EXOC5: variants seen among roughly 807,000 people sequenced by gnomAD.
The protein encoded by EXOC5 is exocyst complex component 5.
A neutral mutation model predicts 90.8 loss-of-function variants in EXOC5; 17 were observed. The ratio of observed to expected loss-of-function variants is 0.19; its 90% CI spans 0.13 to 0.28. EXOC5 has a LOEUF of 0.28. Among genes scored for constraint, EXOC5 ranks in the 10% least tolerant of loss-of-function variants. EXOC5 has a pLI of 1.00. For missense variants in EXOC5, 569 were observed against 830.6 expected, an observed-to-expected ratio of 0.69 and a Z score of 3.87; for synonymous variants, 260 against 270.0, an observed-to-expected ratio of 0.96 and a Z score of 0.36.
chr14:57,229,248 CCTAT>C (rs1343514782), intron 12 of EXOC5, among the ~76,000 whole-genome samples: 1 of 152,010 alleles, frequency 6.6e-6, no homozygotes, highest in Non-Finnish European at 1.5e-5. Flanking sequence ...AAATAAAAAT[CCTAT>C]CTTTTATTAC....
chr14:57,222,884 G>A (rs1251321963), intron 12 of EXOC5, among the ~76,000 whole-genome samples: 1 of 151,860 alleles, frequency 6.6e-6, no homozygotes, highest in Non-Finnish European at 1.5e-5. Context: ...GCCACTGACT[G>A]AGCAAAGAAC....
intron 1 of EXOC5, 101 bp downstream of exon 1, chr14:57,268,521 G>A (rs931248989): frequency 4.6e-6 from 7 of 1,537,218 alleles, no homozygotes; most frequent in African/African-American, 4.1e-5. Flanking sequence ...TCTCCCGAGG[G>A]CTCCTCCTGG....
rs528701179 is a variant in EXOC5, at chr14:57,205,881, G to A, written c.*2728C>T. ...GCAACTATGGCAATCCTCAAAATGG[G>A]ACCAAAAATTGTCCTGGAATGGTCA... is the stretch of plus-strand genomic sequence containing the variant. On this transcript the variant is annotated 3_prime_UTR_variant, in exon 18 of 18. Coordinates refer to ENST00000621441, the MANE Select transcript of EXOC5 (RefSeq NM_006544.4). 2.2e-6 allele frequency: 1 copy of A among 455,700 alleles called. No individual in the cohort carries two copies. The highest frequency in any genetic ancestry group is 2.0e-5 in the African/African-American group (1 of 50,080). The allele number at this position is 455,700 out of a possible 1,614,324, so 28.2% of individuals were successfully genotyped here.
In EXOC5 at chr14:57,209,664, A is replaced by G. The variant is rs1272066219; in HGVS notation, c.1841T>C (p.Ile614Thr). 26 of 1,613,146 alleles carry G rather than the reference A, an allele frequency of 1.6e-5. No individual in the cohort carries two copies. The highest frequency in any genetic ancestry group is 1.7e-4 in the Middle Eastern group (1 of 6,052). Residue 614 changes from isoleucine to threonine, a missense_variant, in exon 17 of 18, where the codon ATC becomes ACC. Transcript: ENST00000621441. ...GGAATATTGTTGAAGATGCTCATAG[A>G]TAAGTCGATGAAAACGTACTCCAAG... is the stretch of plus-strand genomic sequence containing the variant. Reference protein sequence around the residue: ...MELGVRFHRLIYEHLQQYSYS... With the variant: ...MELGVRFHRLTYEHLQQYSYS...
intron 1 of EXOC5, among the ~76,000 whole-genome samples, chr14:57,248,696 T>C (rs906640175): frequency 3.9e-5 from 6 of 152,128 alleles, no homozygotes; most frequent in African/African-American, 1.2e-4. Flanking sequence ...CTACCTAGCA[T>C]GTAACTTAAA....
intron 1 of EXOC5, among the ~76,000 whole-genome samples, chr14:57,254,429 T>C (rs1313785421): frequency 6.7e-6 from 1 of 150,008 alleles, no homozygotes. Flanking sequence ...AGTGAGTGAA[T>C]CTGTTCCAAA....
rs1235651255 is a variant in EXOC5 at position 57,231,398 on chromosome 14, CTCTTCACAGAAAAT to C, written c.1148+94_1148+107del. On this transcript the variant is annotated intron_variant, in intron 11 of 17. Coordinates refer to ENST00000621441, the MANE Select transcript of EXOC5 (RefSeq NM_006544.4). ...AATATAACAATCTGGATTAAAAGAACTCTTCACAGAAAATTCTAATGATAGTCAACATTTGATAA... is the reference window on the plus strand; with the variant it reads ...AATATAACAATCTGGATTAAAAGAACTCTAATGATAGTCAACATTTGATAA... The C allele has an allele frequency of 1.4e-5, 10 of 703,866 alleles. No individual in the cohort carries two copies. The Admixed American group carries it at 1.8e-4, about 13-fold the overall frequency. The allele number at this position is 703,866 out of a possible 1,614,324, so 43.6% of individuals were successfully genotyped here. A position where few individuals can be genotyped will look rare whatever the true frequency, so the allele number is the denominator to read the frequency against.
chr14:57,220,206 C>T (rs546112084), intron 13 of EXOC5, among the ~76,000 whole-genome samples: 2 of 151,094 alleles, frequency 1.3e-5, no homozygotes, highest in South Asian at 2.1e-4. Flanking sequence ...TTCCCTCCGC[C>T]CCCCCTGCCC....
chr14:57,220,382 C>T (rs1243407119), intron 13 of EXOC5, among the ~76,000 whole-genome samples: 3 of 151,762 alleles, frequency 2.0e-5, no homozygotes, highest in African/African-American at 7.3e-5. Context: ...TACTTTTTTT[C>T]TTTATAGGCA....
rs954361319 is a variant in EXOC5, at chr14:57,202,604, G to C, written c.*6005C>G. 1 of 152,150 alleles carries C rather than the reference G, an allele frequency of 6.6e-6. No homozygotes were observed. Among genetic ancestry groups the C allele is most frequent in the Non-Finnish European group, 1.5e-5 (1 of 68,022 alleles). The allele number at this position is 152,150 out of a possible 1,614,324, so 9.4% of individuals were successfully genotyped here. A position where few individuals can be genotyped will look rare whatever the true frequency, so the allele number is the denominator to read the frequency against. ...TAATCAGTAGATTCTTATTAGAGTT[G>C]ATAAAGGAATTCAATGTGATATATA... On this transcript the variant is annotated 3_prime_UTR_variant, in exon 18 of 18. Transcript: ENST00000621441.
intron 1 of EXOC5, among the ~76,000 whole-genome samples, chr14:57,260,467 T>A (rs938484413): frequency 6.6e-6 from 1 of 152,164 alleles, no homozygotes; most frequent in Non-Finnish European, 1.5e-5. Context: ...GTTATCAAAA[T>A]TGTTTTGAAG....
intron 12 of EXOC5, among the ~76,000 whole-genome samples, chr14:57,222,797 A>T (rs1224175894): frequency 1.4e-5 from 2 of 147,274 alleles, no homozygotes; most frequent in Non-Finnish European, 3.1e-5. Flanking sequence ...ACACACACAC[A>T]TACACACACA....
At chr14:57,252,856 C>A (rs930501284) in intron 1 of EXOC5, among the ~76,000 whole-genome samples, 1 of 152,086 alleles carries the variant, frequency 6.6e-6, no homozygotes, top group Non-Finnish European at 1.5e-5. Flanking sequence ...CAGCATTATT[C>A]ACAAAAGCTG....
chr14:57,233,405 T>C (rs892258164), intron 9 of EXOC5, among the ~76,000 whole-genome samples: 3 of 152,138 alleles, frequency 2.0e-5, no homozygotes, highest in Non-Finnish European at 4.4e-5. Context: ...GCTCTTGTAA[T>C]TCTTGTTCAG....
intron 4 of EXOC5, among the ~76,000 whole-genome samples, chr14:57,242,182 G>A (rs368339184): frequency 2.6e-5 from 4 of 151,268 alleles, no homozygotes; most frequent in East Asian, 1.9e-4. Context: ...CAACATATGT[G>A]TAAGGACAGA....
At chr14:57,251,834 G>C (rs961921055) in intron 1 of EXOC5, among the ~76,000 whole-genome samples, 9 of 151,876 alleles carry the variant, frequency 5.9e-5, no homozygotes, top group Non-Finnish European at 1.2e-4. Flanking sequence ...GAAAAAAAGG[G>C]AGAAGGCTCA....
intron 4 of EXOC5, among the ~76,000 whole-genome samples, chr14:57,240,287 C>T (rs1883820956): frequency 6.6e-6 from 1 of 150,568 alleles, no homozygotes; most frequent in Non-Finnish European, 1.5e-5. Flanking sequence ...ATCTTGTGGC[C>T]TAGATATCTC....
chr14:57,220,159 AT>A (rs538156127), intron 13 of EXOC5, among the ~76,000 whole-genome samples: 23 of 150,316 alleles, frequency 1.5e-4, no homozygotes, highest in East Asian at 9.7e-4. Flanking sequence ...TAGAACAATG[AT>A]TTTTTTTTTC....
intron 1 of EXOC5, among the ~76,000 whole-genome samples, chr14:57,249,523 A>G (rs1254944282): frequency 3.3e-5 from 5 of 152,290 alleles, no homozygotes; most frequent in African/African-American, 1.2e-4. Context: ...AATATTTTCA[A>G]TTACCTGAAA....
Sources: allele counts gnomAD v4.1 joint callset (sites outside exome capture counted in the v4.1 genomes callset), GRCh38; gene constraint gnomAD v4.1.1; transcripts MANE v1.5; gene names NCBI Gene and HGNC (gene_info 2026-07-23, HGNC 2026-07-21).